ZFAND3: variants seen among roughly 807,000 people sequenced by gnomAD.
ZFAND3 encodes zinc finger AN1-type containing 3.
A neutral mutation model predicts 29.6 loss-of-function variants in ZFAND3; 10 were observed. That is an observed-to-expected ratio of 0.34 (90% CI 0.21 to 0.57). ZFAND3 has a LOEUF of 0.57. Ranked by LOEUF, ZFAND3 falls within the 20% of genes least tolerant of loss-of-function variation. ZFAND3 has a pLI of 0.86. For missense variants in ZFAND3, 230 were observed against 304.5 expected (o/e 0.76, Z 1.82); for synonymous variants, 128 against 112.6 (o/e 1.14, Z -0.87).
chr6:38,078,472 T>C (rs1288958767), intron 3 of ZFAND3, among the ~76,000 whole-genome samples: 4 of 152,248 alleles, frequency 2.6e-5, no homozygotes, highest in Admixed American at 6.5e-5. Context: ...AAAAATTCAG[T>C]TAATTTGCTT....
intron 1 of ZFAND3, among the ~76,000 whole-genome samples, chr6:37,886,280 A>AAAAAAAAAAAAAAAAAAAC (rs1561922411): frequency 1.6e-5 from 2 of 128,866 alleles, no homozygotes; most frequent in African/African-American, 6.1e-5. Flanking sequence ...AAAAAAAAAA[A>AAAAAAAAAAAAAAAAAAAC]AGTTCAAAGA....
chr6:37,867,223 A>G (rs1428546521), intron 1 of ZFAND3, among the ~76,000 whole-genome samples: 1 of 152,214 alleles, frequency 6.6e-6, no homozygotes, highest in African/African-American at 2.4e-5. Flanking sequence ...TGTGCAGTAA[A>G]GAAGCAGATC....
At chr6:38,056,047 A>G (rs1014320263) in intron 2 of ZFAND3, among the ~76,000 whole-genome samples, 19 of 152,220 alleles carry the variant, frequency 1.2e-4, no homozygotes, top group Admixed American at 1.1e-3. Flanking sequence ...TGCTGTGCCA[A>G]TAGAATTTGA....
intron 2 of ZFAND3, among the ~76,000 whole-genome samples, chr6:38,051,103 A>G (rs1180927442): frequency 6.6e-6 from 1 of 152,122 alleles, no homozygotes; most frequent in Non-Finnish European, 1.5e-5. Context: ...ATAGGACCAG[A>G]TTGTAAGAGC....
intron 5 of ZFAND3, among the ~76,000 whole-genome samples, chr6:38,125,513 C>T (rs57327758): frequency 0.033 from 4,973 of 152,208 alleles, 221 homozygotes; most frequent in African/African-American, 0.096. Context: ...AGGGCACATC[C>T]GCTGCAGCCT....
intron 4 of ZFAND3, among the ~76,000 whole-genome samples, chr6:38,089,644 T>C (rs1354154522): frequency 2.0e-5 from 3 of 152,174 alleles, no homozygotes; most frequent in Non-Finnish European, 2.9e-5. Flanking sequence ...CTAAAGGTGT[T>C]GGTATTAAAT....
chr6:37,878,473 T>C (rs566536094), intron 1 of ZFAND3, among the ~76,000 whole-genome samples: 11 of 151,858 alleles, frequency 7.2e-5, no homozygotes, highest in Non-Finnish European at 1.5e-4. Flanking sequence ...CTCTGAGAGG[T>C]GAGGCAGGGC....
intron 1 of ZFAND3, among the ~76,000 whole-genome samples, chr6:37,835,803 G>T (rs1763957606): frequency 6.6e-6 from 1 of 151,990 alleles, no homozygotes; most frequent in East Asian, 1.9e-4. Context: ...AGTTTTTTCA[G>T]TTAACGTATC....
Position 37,828,223 on chromosome 6 carries a change from T to C in ZFAND3, c.71+8207T>C, listed in dbSNP as rs59808596. On this transcript the variant is annotated intron_variant, in intron 1 of 5. Coordinates refer to ENST00000287218, the MANE Select transcript of ZFAND3 (RefSeq NM_021943.3). The stretch of plus-strand genomic sequence containing the variant: ...GTAGTCAGCTTCTTTGTCCAGGCAC[T>C]TGGTTTTATTCATTTATTTTTTACA... 5.9e-5 allele frequency among the ~76,000 whole-genome samples: 9 copies of C among 152,352 alleles called. No individual in the cohort carries two copies. In the East Asian group the frequency reaches 1.7e-3, roughly 29 times the overall value.
At chr6:38,080,949 C>T (rs1325477842) in intron 3 of ZFAND3, among the ~76,000 whole-genome samples, 1 of 152,190 alleles carries the variant, frequency 6.6e-6, no homozygotes, top group Non-Finnish European at 1.5e-5. Flanking sequence ...TTACTCTGCT[C>T]TCTGGTCTGC....
chr6:37,908,083 G>A (rs999705152), intron 1 of ZFAND3, among the ~76,000 whole-genome samples: 1 of 152,032 alleles, frequency 6.6e-6, no homozygotes, highest in African/African-American at 2.4e-5. Context: ...TTTATGAATC[G>A]CAGTTGGTTT....
intron 3 of ZFAND3, among the ~76,000 whole-genome samples, chr6:38,062,891 G>A (rs1312708709): frequency 6.6e-6 from 1 of 151,492 alleles, no homozygotes; most frequent in African/African-American, 2.4e-5. Flanking sequence ...TTTGAGACCA[G>A]CCTAGACAAC....
At chr6:38,009,164 T>C (rs1763102343) in intron 2 of ZFAND3, among the ~76,000 whole-genome samples, 1 of 152,230 alleles carries the variant, frequency 6.6e-6, no homozygotes, top group Non-Finnish European at 1.5e-5. Context: ...GCCCTTTGAG[T>C]ATATTAACTA....
intron 2 of ZFAND3, among the ~76,000 whole-genome samples, chr6:38,035,165 G>A (rs1159581123): frequency 6.6e-6 from 1 of 151,714 alleles, no homozygotes; most frequent in Admixed American, 6.6e-5. Flanking sequence ...CTTTTTCCTT[G>A]GTGAACTATA....
intron 1 of ZFAND3, among the ~76,000 whole-genome samples, chr6:37,869,705 G>GT (rs1468873013): frequency 6.6e-6 from 1 of 151,048 alleles, no homozygotes; most frequent in East Asian, 1.9e-4. Flanking sequence ...AGAGTTGGGG[G>GT]TCTCACTTTG....
chr6:38,142,250 CT>C (rs1765972484), intron 5 of ZFAND3: 2 of 471,360 alleles, frequency 4.2e-6, no homozygotes, highest in South Asian at 3.1e-5. Context: ...ATGTTCCTTT[CT>C]TTTCCAGGTG....
intron 3 of ZFAND3, among the ~76,000 whole-genome samples, chr6:38,067,075 C>A (rs772495516): frequency 1.4e-4 from 22 of 152,208 alleles, no homozygotes; most frequent in Non-Finnish European, 3.2e-4. Context: ...CAACAAGTAT[C>A]CTTGCTAAGT....
At chr6:37,950,046 T>C (rs1246344540) in intron 2 of ZFAND3, among the ~76,000 whole-genome samples, 3 of 152,216 alleles carry the variant, frequency 2.0e-5, no homozygotes, top group Non-Finnish European at 4.4e-5. Context: ...GTTGGGTGCA[T>C]AGTTGGCAAA....
chr6:38,147,384 C>T (rs1293726356), intron 5 of ZFAND3, among the ~76,000 whole-genome samples: 1 of 152,200 alleles, frequency 6.6e-6, no homozygotes, highest in Non-Finnish European at 1.5e-5. Flanking sequence ...TTTATCCATT[C>T]ATCCCTTGAT....
Sources: allele counts gnomAD v4.1 joint callset (sites outside exome capture counted in the v4.1 genomes callset), GRCh38; gene constraint gnomAD v4.1.1; transcripts MANE v1.5; gene names NCBI Gene and HGNC (gene_info 2026-07-23, HGNC 2026-07-21).